The following CLEC12B variants were observed in gnomAD, a reference collection of about 807,000 sequenced individuals.
CLEC12B encodes macrophage antigen h.
In CLEC12B, 25 loss-of-function variants were observed where a neutral mutation model predicts 36.1. The ratio of observed to expected loss-of-function variants is 0.69; its 90% CI spans 0.50 to 0.97. The LOEUF is 0.97. CLEC12B is among the 50% of genes least tolerant of loss of function. The pLI is 0.00. For synonymous variants in CLEC12B, 110 were observed against 108.5 expected, an observed-to-expected ratio of 1.01 and a Z score of -0.09; for missense variants, 325 against 318.4, an observed-to-expected ratio of 1.02 and a Z score of -0.16.
At chr12:10,010,298 G>C (rs1046319286), upstream of CLEC12B, among the ~76,000 whole-genome samples, 4 of 151,960 alleles carry the variant, frequency 2.6e-5, no homozygotes, top group African/African-American at 9.7e-5. Context: ...CTTAATGTGT[G>C]TCTCTCTGCT....
Position 10,018,619 on chromosome 12 carries a change from T to TC in CLEC12B, c.*138_*139insC. 1.4e-6 allele frequency: 1 copy of TC among 695,024 alleles called. No individual in the cohort carries two copies. Among genetic ancestry groups the TC allele is most frequent in the Non-Finnish European group, 2.4e-6 (1 of 414,902 alleles). The allele number at this position is 695,024 out of a possible 1,614,324, so 43.1% of individuals were successfully genotyped here. ...ACATTATCAGACAAATGAACTTGTT[T>TC]AACAGAACATTCTCCAGTTCCTTGT... On this transcript the variant is annotated 3_prime_UTR_variant, in exon 6 of 6. Coordinates refer to ENST00000338896, the MANE Select transcript of CLEC12B (RefSeq NM_001129998.3).
rs764701424 is a variant in CLEC12B at position 10,014,597 on chromosome 12, C to CA, written c.266dup (p.Asp90GlyfsTer2). On this transcript the variant is annotated frameshift_variant, in exon 3 of 6. Coordinates refer to ENST00000338896, the MANE Select transcript of CLEC12B (RefSeq NM_001129998.3). LOFTEE classifies it high-confidence loss of function. ...ACTTCAGAAAACCATCCAACAGCAG[C>CA]AGGATAACTTATCCCAGCAACTGGG... 26 of 1,613,690 alleles carry CA rather than the reference C, an allele frequency of 1.6e-5. No homozygotes were observed. The highest frequency in any genetic ancestry group is 6.7e-5 in the Admixed American group (4 of 59,964).
chr12:10,013,321 C>A, intron 2 of CLEC12B: 1 of 182,652 alleles, frequency 5.5e-6, no homozygotes, highest in Non-Finnish European at 1.1e-5. Flanking sequence ...GAGAAATCTT[C>A]CAAGTAGCAG....
intron 3 of CLEC12B, 62 bp downstream of exon 3, chr12:10,014,803 CA>C: frequency 9.2e-7 from 1 of 1,085,532 alleles, no homozygotes; most frequent in Non-Finnish European, 1.4e-6. Flanking sequence ...CTAAGTTGAT[CA>C]CATGTACCAC....
At chr12:10,007,019 C>G (rs189986252), upstream of CLEC12B, among the ~76,000 whole-genome samples, 3 of 151,488 alleles carry the variant, frequency 2.0e-5, no homozygotes, top group African/African-American at 7.3e-5. Context: ...CGCGCCACTG[C>G]ACTCCAGCCT....
At chr12:10,015,530 T>G in intron 4 of CLEC12B, 82 bp from the exon 5 acceptor site, 1 of 1,580,544 alleles carries the variant, frequency 6.3e-7, no homozygotes, top group Non-Finnish European at 8.6e-7. Flanking sequence ...TACATGAATT[T>G]AATGAATGTC....
In CLEC12B at chr12:10,010,856, A is replaced by G; in HGVS notation, c.91+6A>G. On this transcript the variant is annotated splice_donor_region_variant and intron_variant, in intron 1 of 5. Coordinates refer to ENST00000338896, the MANE Select transcript of CLEC12B (RefSeq NM_001129998.3). ...AAATAACCTAAGAAAAAGAGGTAGG[A>G]GTTCAGAGAAGACCAGCTGTGTCCT... The G allele has an allele frequency of 6.3e-7, 1 of 1,583,480 alleles. No homozygotes were observed. Among genetic ancestry groups the G allele is most frequent in the Non-Finnish European group, 8.7e-7 (1 of 1,153,746 alleles).
upstream of CLEC12B, among the ~76,000 whole-genome samples, chr12:10,007,003 C>T (rs1312848441): frequency 1.3e-5 from 2 of 151,248 alleles, no homozygotes; most frequent in African/African-American, 4.9e-5. Context: ...TGCAGTGAGC[C>T]GAGATCGCGC....
chr12:10,006,710 G>A (rs539966912), upstream of CLEC12B, among the ~76,000 whole-genome samples: 46 of 152,122 alleles, frequency 3.0e-4, no homozygotes, highest in Non-Finnish European at 5.6e-4. Flanking sequence ...CTAGCCATTG[G>A]ATGTGTTTAT....
chr12:10,012,994 T>A (rs620449), intron 2 of CLEC12B, 111 bp downstream of exon 2: 12 of 777,122 alleles, frequency 1.5e-5, no homozygotes, highest in African/African-American at 5.2e-5. Flanking sequence ...CGTCTGATAC[T>A]TTTCTGCTGT....
chr12:10,017,605 T>C (rs993775488), intron 5 of CLEC12B: 9 of 985,698 alleles, frequency 9.1e-6, no homozygotes, highest in Non-Finnish European at 8.4e-6. Flanking sequence ...CCAGATTGCA[T>C]AGCCATTTCC....
chr12:10,012,784 G>A lies in CLEC12B; in HGVS notation c.92-1G>A. On this transcript the variant is annotated splice_acceptor_variant, in intron 1 of 5. Coordinates refer to ENST00000338896, the MANE Select transcript of CLEC12B (RefSeq NM_001129998.3). LOFTEE classifies it high-confidence loss of function. ...CTGATTGCTCTTTTGGCTTTCTCCA[G>A]GGCATCCAGCTCCATCTCCCATTTG... 3.1e-6 allele frequency: 5 copies of A among 1,612,626 alleles called. No individual in the cohort carries two copies. The highest frequency in any genetic ancestry group is 4.2e-6 in the Non-Finnish European group (5 of 1,179,462).
At position 10,018,466 on chromosome 12, in the gene CLEC12B, T is replaced by G. The variant is rs1312468921; in HGVS notation, c.816T>G (p.Thr272=). The G allele has an allele frequency of 1.1e-5, 17 of 1,550,786 alleles. No individual in the cohort carries two copies. The highest frequency in any genetic ancestry group is 1.4e-5 in the Non-Finnish European group (16 of 1,146,602). The change falls in exon 6 of 6, where the codon ACT becomes ACG. Residue 272 remains threonine, a synonymous_variant. Coordinates refer to ENST00000338896, the MANE Select transcript of CLEC12B (RefSeq NM_001129998.3). The part of the protein sequence containing the change: ...ICEKTAAPVK[T]EDLD ...AGAAGACAGCTGCCCCAGTGAAGAC[T>G]GAGGATTTGGATTAGTATGCTTCTT...
upstream of CLEC12B, among the ~76,000 whole-genome samples, chr12:10,007,644 G>A (rs921563952): frequency 6.6e-6 from 1 of 152,214 alleles, no homozygotes; most frequent in Non-Finnish European, 1.5e-5. Flanking sequence ...TCTTTTAGGA[G>A]ATTTGCAGAA....
intron 1 of CLEC12B, among the ~76,000 whole-genome samples, chr12:10,012,325 G>A (rs574400600): frequency 2.6e-5 from 4 of 152,242 alleles, no homozygotes; most frequent in East Asian, 3.9e-4. Context: ...TCTCATTTAT[G>A]AATTCAATAA....
chr12:10,010,921 C>T, intron 1 of CLEC12B, 71 bp downstream of exon 1: 1 of 926,158 alleles, frequency 1.1e-6, no homozygotes, highest in Non-Finnish European at 1.7e-6. Flanking sequence ...GAGGTGCCAG[C>T]TTTAATACTG....
intron 5 of CLEC12B, chr12:10,017,367 T>C: frequency 1.0e-6 from 1 of 985,040 alleles, no homozygotes; most frequent in Non-Finnish European, 1.2e-6. Flanking sequence ...TTTCCAGGAG[T>C]AGTACTATGA....
chr12:10,015,053 A>C (rs945578468), intron 3 of CLEC12B, among the ~76,000 whole-genome samples, 199 bp from the exon 4 acceptor site: 10 of 152,184 alleles, frequency 6.6e-5, no homozygotes, highest in South Asian at 2.1e-4. Flanking sequence ...AGGTCAGAAG[A>C]CTAAGCCATG....
rs1255039539 is a variant in CLEC12B, at chr12:10,018,517, T to C, written c.*36T>C. On this transcript the variant is annotated 3_prime_UTR_variant, in exon 6 of 6. Coordinates refer to ENST00000338896, the MANE Select transcript of CLEC12B (RefSeq NM_001129998.3). ...CCAAATTCTCCAAGAAGTAAGAGAC[T>C]TGTGAGTAAGCTCATATGAGGAAAG... is the stretch of plus-strand genomic sequence containing the variant. 1 of 1,528,594 alleles carries C rather than the reference T, an allele frequency of 6.5e-7. No individual in the cohort carries two copies. Among genetic ancestry groups the C allele is most frequent in the South Asian group, 1.2e-5 (1 of 80,878 alleles). 94.7% of individuals were successfully genotyped at this position (1,528,594 alleles called of 1,614,324 possible). A position where few individuals can be genotyped will look rare whatever the true frequency, so the allele number is the denominator to read the frequency against.
Sources: gnomAD v4.1 joint callset for allele counts (sites outside exome capture counted in the v4.1 genomes callset) on GRCh38, gnomAD v4.1.1 for gene constraint, MANE v1.5 for transcripts, NCBI Gene and HGNC (gene_info 2026-07-23, HGNC 2026-07-21) for gene names.